RIPOR2: variants seen among roughly 807,000 people sequenced by gnomAD.
The protein encoded by RIPOR2 is RHO family interacting cell polarization regulator 2.
Under a neutral mutation model 114.5 loss-of-function variants are expected in RIPOR2, and 39 were observed. That is an observed-to-expected ratio of 0.34 (90% CI 0.26 to 0.44). The LOEUF (loss-of-function observed/expected upper bound fraction) is 0.44. Ranked by LOEUF, RIPOR2 falls within the 20% of genes least tolerant of loss-of-function variation. The pLI, the probability that RIPOR2 is intolerant of heterozygous loss-of-function variation, is 1.00. For synonymous variants in RIPOR2, 445 were observed against 484.4 expected, an observed-to-expected ratio of 0.92 and a Z score of 1.07; for missense variants, 1,007 against 1,255.1, an observed-to-expected ratio of 0.80 and a Z score of 2.99.
chr6:25,023,876 GA>G lies in RIPOR2; in HGVS notation c.76+17974del, dbSNP rs960601124. The stretch of plus-strand genomic sequence containing the variant: ...ACCGGTTCCTAGGTCTTCGTGTAGA[GA>G]CCTGGAGGCACTTGGTTCTTGGGGT... On this transcript the variant is annotated intron_variant, in intron 1 of 13. Transcript: ENST00000510784. 4.1e-6 allele frequency: 3 copies of G among 725,320 alleles called. No individual in the cohort carries two copies. In the African/African-American group the frequency reaches 5.2e-5, roughly 13 times the overall value. The allele number at this position is 725,320 out of a possible 1,614,324, so 44.9% of individuals were successfully genotyped here. A position where few individuals can be genotyped will look rare whatever the true frequency, so the allele number is the denominator to read the frequency against.
intron 9 of RIPOR2, 92 bp from the exon 10 acceptor site, chr6:24,850,814 C>T (rs1257919756): frequency 5.0e-6 from 7 of 1,406,090 alleles, no homozygotes; most frequent in African/African-American, 4.2e-5. Flanking sequence ...CCTAAAGCCA[C>T]TGCTGCCCTC....
At chr6:25,012,910 A>T (rs1013524349) in intron 1 of RIPOR2, among the ~76,000 whole-genome samples, 11 of 151,392 alleles carry the variant, frequency 7.3e-5, no homozygotes, top group Admixed American at 6.6e-4. Flanking sequence ...AAGTTGTTTT[A>T]AAAAAAAACA....
chr6:24,846,777 G>A (rs940638879), intron 12 of RIPOR2, among the ~76,000 whole-genome samples: 5 of 152,126 alleles, frequency 3.3e-5, no homozygotes, highest in Admixed American at 3.3e-4. Flanking sequence ...ATCCTCTGGT[G>A]ACATAATGTA....
Position 24,843,071 on chromosome 6 carries a change from G to A in RIPOR2, c.1648C>T (p.Leu550Phe), listed in dbSNP as rs1159133331. Residue 550 changes from leucine to phenylalanine, a missense_variant, in exon 13 of 22, where the codon CTC becomes TTC. Leu to Phe is a conservative substitution (Grantham distance 22). Coordinates refer to ENST00000643898, the MANE Select transcript of RIPOR2 (RefSeq NM_001286445.3). ...GCCATTGGCACCTCTGCAGATGTGA[G>A]CCTCTTGACCAGCTGCTTTGTGATG... ...GNITKQLVKR[L>F]TSAEVPMATD... 2 of 1,613,984 alleles carry A rather than the reference G, an allele frequency of 1.2e-6. No homozygotes were observed. Among genetic ancestry groups the A allele is most frequent in the African/African-American group, 1.3e-5 (1 of 75,042 alleles).
At chr6:24,834,171 A>G (rs1760912654) in intron 15 of RIPOR2, among the ~76,000 whole-genome samples, 1 of 152,166 alleles carries the variant, frequency 6.6e-6, no homozygotes, top group African/African-American at 2.4e-5. Context: ...TCAAAACTCA[A>G]CAGAAGAGTT....
At chr6:24,901,711 A>G (rs1196507137) in intron 1 of RIPOR2, among the ~76,000 whole-genome samples, 1 of 152,184 alleles carries the variant, frequency 6.6e-6, no homozygotes, top group Admixed American at 6.5e-5. Flanking sequence ...GGGGGAGGGC[A>G]GGAAGAACAA....
intron 13 of RIPOR2, among the ~76,000 whole-genome samples, chr6:24,842,456 C>T (rs750942494): frequency 6.6e-6 from 1 of 152,148 alleles, no homozygotes; most frequent in African/African-American, 2.4e-5. Context: ...GCTCATGGCT[C>T]TCACAATGGG....
chr6:25,022,531 CATTTT>C (rs1561848691), intron 1 of RIPOR2, among the ~76,000 whole-genome samples: 6 of 64,524 alleles, frequency 9.3e-5, no homozygotes, highest in Admixed American at 5.4e-4. Flanking sequence ...TGGTACCTTC[CATTTT>C]TTTTTTTTTT....
At chr6:24,933,980 C>G (rs960122768) in intron 1 of RIPOR2, among the ~76,000 whole-genome samples, 2 of 152,162 alleles carry the variant, frequency 1.3e-5, no homozygotes. Flanking sequence ...TTGGTCTTAA[C>G]GCTTCCCTTC....
chr6:24,960,824 C>T (rs1387405157), intron 1 of RIPOR2, among the ~76,000 whole-genome samples: 1 of 152,164 alleles, frequency 6.6e-6, no homozygotes, highest in Non-Finnish European at 1.5e-5. Context: ...GCCACTGTGC[C>T]TGGCCTCAAC....
intron 1 of RIPOR2, among the ~76,000 whole-genome samples, chr6:24,876,735 G>A (rs759645117): frequency 2.0e-5 from 3 of 152,116 alleles, no homozygotes; most frequent in Non-Finnish European, 2.9e-5. Flanking sequence ...AAGGGCGGTC[G>A]GGGGGAAGGT....
chr6:24,970,490 A>T (rs939811404), intron 1 of RIPOR2, among the ~76,000 whole-genome samples: 3 of 152,184 alleles, frequency 2.0e-5, no homozygotes, highest in Non-Finnish European at 4.4e-5. Flanking sequence ...AAATTCCTGC[A>T]CCTTCTCTGA....
chr6:24,960,650 C>T (rs1407638541), intron 1 of RIPOR2, among the ~76,000 whole-genome samples: 2 of 152,152 alleles, frequency 1.3e-5, no homozygotes, highest in African/African-American at 4.8e-5. Context: ...CCTCAGCCTC[C>T]CCAGCAGCTG....
intron 1 of RIPOR2, chr6:25,023,727 C>G: frequency 1.3e-6 from 1 of 784,522 alleles, no homozygotes; most frequent in South Asian, 1.3e-5. Flanking sequence ...TCCGCGACTT[C>G]GTTCAGGTAC....
At chr6:24,838,990 T>G in intron 14 of RIPOR2, 101 bp downstream of exon 14, 1 of 993,620 alleles carries the variant, frequency 1.0e-6, no homozygotes, top group Non-Finnish European at 1.5e-6. Context: ...GAGAGTTTTA[T>G]CTTCCTGGAA....
chr6:25,026,512 T>C (rs1384008266), intron 1 of RIPOR2, among the ~76,000 whole-genome samples: 1 of 152,244 alleles, frequency 6.6e-6, no homozygotes, highest in Non-Finnish European at 1.5e-5. Flanking sequence ...TTAGAAATGC[T>C]TCCTGTTTAT....
chr6:24,870,839 G>C (rs1211592289), intron 5 of RIPOR2, 27 bp downstream of exon 5: 13 of 1,586,730 alleles, frequency 8.2e-6, no homozygotes, highest in Non-Finnish European at 1.1e-5. Context: ...TTTCTTATTA[G>C]CACCCCAACA....
chr6:24,970,437 CAAG>C (rs1247830128), intron 1 of RIPOR2, among the ~76,000 whole-genome samples: 1 of 152,120 alleles, frequency 6.6e-6, no homozygotes, highest in Non-Finnish European at 1.5e-5. Flanking sequence ...AAAGCAAGAG[CAAG>C]AACAGGGGAG....
At chr6:24,938,082 T>A (rs1771915887), upstream of RIPOR2, among the ~76,000 whole-genome samples, 1 of 152,168 alleles carries the variant, frequency 6.6e-6, no homozygotes, top group African/African-American at 2.4e-5. Flanking sequence ...TAACCCCCAG[T>A]ACCTCAGAAT....
Sources: gnomAD v4.1 joint callset for allele counts (sites outside exome capture counted in the v4.1 genomes callset) on GRCh38, gnomAD v4.1.1 for gene constraint, MANE v1.5 for transcripts, NCBI Gene and HGNC (gene_info 2026-07-23, HGNC 2026-07-21) for gene names.